TMEM182: variants seen among roughly 807,000 people sequenced by gnomAD.
TMEM182 encodes the protein transmembrane protein 182.
A neutral mutation model predicts 26.8 loss-of-function variants in TMEM182; 20 were observed. The ratio of observed to expected loss-of-function variants is 0.75; its 90% CI spans 0.53 to 1.09. The LOEUF (loss-of-function observed/expected upper bound fraction) is 1.09, where lower values mean the gene tolerates loss of function less well. Ranked by LOEUF, TMEM182 falls within the 50% of genes least tolerant of loss-of-function variation. The pLI is 0.00. For missense variants in TMEM182, 277 were observed against 275.5 expected (o/e 1.01, Z -0.04); for synonymous variants, 109 against 102.2 (o/e 1.07, Z -0.40).
chr2:102,774,250 C>CTTTTTTTTTTTTTTTTT (rs774047240), intron 3 of TMEM182, among the ~76,000 whole-genome samples: 28 of 96,122 alleles, frequency 2.9e-4, no homozygotes, highest in Non-Finnish European at 4.3e-4. Context: ...TTCTTTCTTT[C>CTTTTTTTTTTTTTTTTT]TTTTTTTTTT....
chr2:102,792,234 G>A (rs192483913), intron 3 of TMEM182, among the ~76,000 whole-genome samples: 106 of 151,968 alleles, frequency 7.0e-4, no homozygotes, highest in African/African-American at 2.5e-3. Context: ...CCACATTGTT[G>A]ACAAGACCAT....
intron 4 of TMEM182, among the ~76,000 whole-genome samples, chr2:102,807,701 C>G (rs1457448959): frequency 6.6e-6 from 1 of 152,146 alleles, no homozygotes; most frequent in East Asian, 1.9e-4. Flanking sequence ...ATGTTGGACT[C>G]TGGAATGCAC....
rs765365774 is a variant in TMEM182, at chr2:102,762,706, A to G, written c.232+20A>G. 6.3e-7 allele frequency: 1 copy of G among 1,588,420 alleles called. No homozygotes were observed. The highest frequency in any genetic ancestry group is 8.6e-7 in the Non-Finnish European group (1 of 1,159,114). On this transcript the variant is annotated intron_variant, in intron 2 of 4. Coordinates refer to ENST00000412401, the MANE Select transcript of TMEM182 (RefSeq NM_144632.5). ...GGTACAGTAAGTACAATTTAGCTTT[A>G]TTTTCCCTCTTGTCTGTAAAATAAA...
chr2:102,834,773 C>T (rs754395152), intron 3 of TMEM182, among the ~76,000 whole-genome samples: 1 of 152,158 alleles, frequency 6.6e-6, no homozygotes, highest in Non-Finnish European at 1.5e-5. Flanking sequence ...GTGACTTGAA[C>T]TCTCGATTTA....
chr2:102,762,119 A>G lies in TMEM182; in HGVS notation c.-99A>G, dbSNP rs559274122. The G allele has an allele frequency of 3.0e-6, 3 of 997,014 alleles. No individual in the cohort carries two copies. The highest frequency in any genetic ancestry group is 3.0e-5 in the Admixed American group (1 of 33,468). The allele number at this position is 997,014 out of a possible 1,614,324, so 61.8% of individuals were successfully genotyped here. ...AAGATTCTGCCAACTCAAAAATATTATTCTTTTTTTTTTTTTTTTGCTGTT... is the reference window on the plus strand; with the variant it reads ...AAGATTCTGCCAACTCAAAAATATTGTTCTTTTTTTTTTTTTTTTGCTGTT... On this transcript the variant is annotated 5_prime_UTR_variant, in exon 1 of 5. Transcript: ENST00000412401.
At chr2:102,759,143 A>G (rs1680134620), upstream of TMEM182, among the ~76,000 whole-genome samples, 1 of 152,098 alleles carries the variant, frequency 6.6e-6, no homozygotes, top group African/African-American at 2.4e-5. Context: ...TCCCCTAATT[A>G]AAAAAAATCT....
At chr2:102,782,291 A>C (rs1681202863) in intron 3 of TMEM182, among the ~76,000 whole-genome samples, 1 of 142,086 alleles carries the variant, frequency 7.0e-6, no homozygotes, top group African/African-American at 2.7e-5. Context: ...GTGCCATTGC[A>C]CTCCAGCCTG....
intron 4 of TMEM182, among the ~76,000 whole-genome samples, chr2:102,810,137 A>G (rs1682497008): frequency 6.6e-6 from 1 of 152,208 alleles, no homozygotes; most frequent in Non-Finnish European, 1.5e-5. Context: ...TTTAAAAAAA[A>G]ATACATGTAA....
chr2:102,742,455 A>G (rs1679572431), intron 1 of TMEM182, among the ~76,000 whole-genome samples: 1 of 152,170 alleles, frequency 6.6e-6, no homozygotes, highest in Non-Finnish European at 1.5e-5. Flanking sequence ...GGTGTAAGAT[A>G]CCCTCTGGTA....
At chr2:102,758,048 C>G (rs1439059770), upstream of TMEM182, among the ~76,000 whole-genome samples, 1 of 152,122 alleles carries the variant, frequency 6.6e-6, no homozygotes, top group Non-Finnish European at 1.5e-5. Flanking sequence ...GGTGGGGACA[C>G]AAATCCAAAC....
intron 3 of TMEM182, among the ~76,000 whole-genome samples, chr2:102,781,276 T>A (rs1465327384): frequency 6.6e-6 from 1 of 151,914 alleles, no homozygotes; most frequent in Non-Finnish European, 1.5e-5. Context: ...GACTCTTTTT[T>A]GTCCTTAGCA....
chr2:102,759,551 C>T (rs952205679), upstream of TMEM182, among the ~76,000 whole-genome samples: 4 of 152,088 alleles, frequency 2.6e-5, no homozygotes, highest in Non-Finnish European at 5.9e-5. Flanking sequence ...AGATGTATTC[C>T]CCTCCCCTGC....
At chr2:102,828,449 C>A (rs1477977950) in intron 3 of TMEM182, among the ~76,000 whole-genome samples, 1 of 152,186 alleles carries the variant, frequency 6.6e-6, no homozygotes, top group Non-Finnish European at 1.5e-5. Flanking sequence ...TTTTGAAGAG[C>A]AAGGTCGCCA....
chr2:102,821,666 A>G (rs1309444867), downstream of TMEM182, among the ~76,000 whole-genome samples: 2 of 152,158 alleles, frequency 1.3e-5, no homozygotes, highest in African/African-American at 4.8e-5. Flanking sequence ...AGTGGTCCCC[A>G]CTCAGTCTCT....
intron 3 of TMEM182, among the ~76,000 whole-genome samples, chr2:102,770,681 A>T (rs1390167238): frequency 6.6e-6 from 1 of 152,166 alleles, no homozygotes; most frequent in Non-Finnish European, 1.5e-5. Flanking sequence ...CCGCACACGG[A>T]TGCTTGGGGA....
intron 3 of TMEM182, among the ~76,000 whole-genome samples, chr2:102,792,109 G>A (rs1681672267): frequency 6.6e-6 from 1 of 150,568 alleles, no homozygotes; most frequent in South Asian, 2.1e-4. Context: ...AGTTTTCAGT[G>A]TTAATATATG....
chr2:102,823,987 A>G (rs1682979316), intron 3 of TMEM182, among the ~76,000 whole-genome samples: 3 of 152,224 alleles, frequency 2.0e-5, no homozygotes, highest in Admixed American at 2.0e-4. Flanking sequence ...AAAATGCTTT[A>G]AGATAAAAGG....
At chr2:102,795,014 T>C (rs900440710) in intron 3 of TMEM182, among the ~76,000 whole-genome samples, 2 of 152,202 alleles carry the variant, frequency 1.3e-5, no homozygotes, top group Non-Finnish European at 2.9e-5. Context: ...GTTTCTCATA[T>C]TGAATAATTT....
chr2:102,815,473 G>A lies in TMEM182; in HGVS notation c.*505G>A. Reference sequence around the variant, plus strand: ...GAGCAAATGAATTTAAAAATAGACAGCAGTTGTTCTAATTAGTGGGAGCCA... The same window carrying A: ...GAGCAAATGAATTTAAAAATAGACAACAGTTGTTCTAATTAGTGGGAGCCA... On this transcript the variant is annotated 3_prime_UTR_variant, in exon 5 of 5. Transcript: ENST00000412401. The A allele has an allele frequency of 1.0e-6, 1 of 988,084 alleles. No homozygotes were observed. The highest frequency in any genetic ancestry group is 1.2e-6 in the Non-Finnish European group (1 of 831,896). The allele number at this position is 988,084 out of a possible 1,614,324, so 61.2% of individuals were successfully genotyped here. A position where few individuals can be genotyped will look rare whatever the true frequency, so the allele number is the denominator to read the frequency against.
Sources: gnomAD v4.1 joint callset for allele counts (sites outside exome capture counted in the v4.1 genomes callset) on GRCh38, gnomAD v4.1.1 for gene constraint, MANE v1.5 for transcripts, NCBI Gene and HGNC (gene_info 2026-07-23, HGNC 2026-07-21) for gene names.